NYAP2: variants seen among roughly 807,000 people sequenced by gnomAD.
The protein encoded by NYAP2 is neuronal tyrosine-phosphorylated phosphoinositide-3-kinase adapter 2.
In NYAP2, 23 loss-of-function variants were observed where a neutral mutation model predicts 50.4. That is an observed-to-expected ratio of 0.46 (90% confidence interval 0.33 to 0.65). NYAP2 has a LOEUF of 0.65. Among genes scored for constraint, NYAP2 ranks in the 30% least tolerant of loss-of-function variants. NYAP2 has a pLI of 0.02. For synonymous variants in NYAP2, 394 were observed against 365.2 expected, an observed-to-expected ratio of 1.08 and a Z score of -0.90; for missense variants, 885 against 861.0, an observed-to-expected ratio of 1.03 and a Z score of -0.35.
chr2:225,499,813 A>T (rs9808488), intron 3 of NYAP2, among the ~76,000 whole-genome samples: 2 of 152,010 alleles, frequency 1.3e-5, no homozygotes, highest in South Asian at 2.1e-4. Context: ...AAGATGAATG[A>T]ATGATTTAGT....
intron 4 of NYAP2, among the ~76,000 whole-genome samples, chr2:225,526,947 C>G (rs1024358934): frequency 1.3e-5 from 2 of 152,148 alleles, no homozygotes; most frequent in African/African-American, 4.8e-5. Context: ...TCAAACCAGG[C>G]ACTGCTCAGA....
At chr2:225,453,985 A>G (rs1559184155) in intron 3 of NYAP2, among the ~76,000 whole-genome samples, 3 of 151,674 alleles carry the variant, frequency 2.0e-5, no homozygotes, top group Non-Finnish European at 4.4e-5. Context: ...CCATCTATTA[A>G]TTTTTTTATA....
intron 4 of NYAP2, among the ~76,000 whole-genome samples, chr2:225,526,045 T>G (rs1478430592): frequency 6.6e-6 from 1 of 152,152 alleles, no homozygotes; most frequent in Non-Finnish European, 1.5e-5. Flanking sequence ...CTGCCAACAA[T>G]GAGTGAGCCT....
At chr2:225,561,889 A>G (rs750375909) in intron 4 of NYAP2, among the ~76,000 whole-genome samples, 6 of 152,002 alleles carry the variant, frequency 3.9e-5, no homozygotes, top group Non-Finnish European at 5.9e-5. Flanking sequence ...TAGGGGCTAT[A>G]TATTTTTTTT....
At chr2:225,496,646 T>C (rs942111431) in intron 3 of NYAP2, among the ~76,000 whole-genome samples, 11 of 152,208 alleles carry the variant, frequency 7.2e-5, no homozygotes, top group African/African-American at 2.7e-4. Flanking sequence ...CCTCCTTAAG[T>C]TGAACCAGGC....
At chr2:225,641,607 G>T (rs531671370) in intron 6 of NYAP2, among the ~76,000 whole-genome samples, 51 of 152,152 alleles carry the variant, frequency 3.4e-4, no homozygotes, top group African/African-American at 1.2e-3. Context: ...GATGTCAGGA[G>T]TTCAAGACCA....
At chr2:225,467,513 C>CTAAT (rs1478952499) in intron 3 of NYAP2, among the ~76,000 whole-genome samples, 1 of 152,146 alleles carries the variant, frequency 6.6e-6, no homozygotes. Flanking sequence ...ATAAACAAAA[C>CTAAT]ATTAGTCACC....
chr2:225,570,207 GC>G (rs1692041662), intron 4 of NYAP2, among the ~76,000 whole-genome samples: 1 of 152,166 alleles, frequency 6.6e-6, no homozygotes, highest in Non-Finnish European at 1.5e-5. Flanking sequence ...TGGATAGAAT[GC>G]CACAAAAGGG....
chr2:225,546,355 T>G (rs1409844129), intron 4 of NYAP2, among the ~76,000 whole-genome samples: 1 of 152,150 alleles, frequency 6.6e-6, no homozygotes, highest in Non-Finnish European at 1.5e-5. Context: ...GAAATCTACC[T>G]GATGCTCTAT....
downstream of NYAP2, among the ~76,000 whole-genome samples, chr2:225,656,177 A>G (rs1421511081): frequency 6.6e-6 from 1 of 152,036 alleles, no homozygotes; most frequent in Non-Finnish European, 1.5e-5. Flanking sequence ...CACATTCCAA[A>G]GTTTGACAGA....
chr2:225,659,277 G>A, the NYAP2 span, among the ~76,000 whole-genome samples: 7 of 152,144 alleles, frequency 4.6e-5, no homozygotes, highest in Non-Finnish European at 8.8e-5. Context: ...GCAGAAGTAC[G>A]TACTCCAGCT....
Position 225,489,158 on chromosome 2 carries a change from G to A in NYAP2, c.222-24213G>A, listed in dbSNP as rs1486771038. 2.0e-5 allele frequency among the ~76,000 whole-genome samples: 3 copies of A among 151,834 alleles called. 1 individual carries two copies. The highest frequency in any genetic ancestry group is 7.3e-5 in the African/African-American group (3 of 41,332). On this transcript the variant is annotated intron_variant, in intron 3 of 6. Coordinates refer to ENST00000636099, the Ensembl canonical transcript of NYAP2. The stretch of plus-strand genomic sequence containing the variant: ...TAAAAGATTTTCTCATATATAAGAG[G>A]CTCCCCTTTTTCCCCTTTTTCTTTC...
chr2:225,437,539 C>A (rs921412917), intron 3 of NYAP2, among the ~76,000 whole-genome samples: 1 of 152,140 alleles, frequency 6.6e-6, no homozygotes, highest in African/African-American at 2.4e-5. Flanking sequence ...GTTTTCACTT[C>A]CTGCCACTAA....
At chr2:225,469,465 C>G (rs1689978147) in intron 3 of NYAP2, among the ~76,000 whole-genome samples, 1 of 152,048 alleles carries the variant, frequency 6.6e-6, no homozygotes, top group Non-Finnish European at 1.5e-5. Context: ...GATCTAGAAC[C>G]AGAAATAACA....
At chr2:225,461,193 G>T (rs922513821) in intron 3 of NYAP2, among the ~76,000 whole-genome samples, 2 of 152,050 alleles carry the variant, frequency 1.3e-5, no homozygotes, top group Non-Finnish European at 2.9e-5. Context: ...GTGTGGAGGT[G>T]TCTAACTGGG....
chr2:225,514,294 C>T (rs1690888744), intron 4 of NYAP2, among the ~76,000 whole-genome samples: 2 of 152,182 alleles, frequency 1.3e-5, no homozygotes, highest in East Asian at 1.9e-4. Context: ...CTCTTTAGGC[C>T]TTACTGAATT....
chr2:225,697,148 C>T, the NYAP2 span, among the ~76,000 whole-genome samples: 4 of 152,018 alleles, frequency 2.6e-5, no homozygotes, highest in Admixed American at 2.6e-4. Context: ...GTGACAGACG[C>T]AACATGCTAG....
chr2:225,538,776 T>C (rs1317138290), intron 4 of NYAP2, among the ~76,000 whole-genome samples: 1 of 87,976 alleles, frequency 1.1e-5, no homozygotes, highest in East Asian at 3.9e-4. Flanking sequence ...TCTTTTCTTT[T>C]CTTTTCTTTC....
chr2:225,584,953 GGTTGTTA>G (rs936360497), intron 5 of NYAP2, among the ~76,000 whole-genome samples: 2 of 152,174 alleles, frequency 1.3e-5, no homozygotes, highest in Non-Finnish European at 2.9e-5. Flanking sequence ...AGATGTTATT[GGTTGTTA>G]CTACAGGGGG....
Sources: gnomAD v4.1 joint callset for allele counts (sites outside exome capture counted in the v4.1 genomes callset) on GRCh38, gnomAD v4.1.1 for gene constraint, MANE v1.5 for transcripts, NCBI Gene and HGNC (gene_info 2026-07-23, HGNC 2026-07-21) for gene names.